The following LYST variants were observed in gnomAD, a reference collection of about 807,000 sequenced individuals.
LYST encodes lysosomal-trafficking regulator.
Under a neutral mutation model 413.6 loss-of-function variants are expected in LYST, and 192 were observed. That is an observed-to-expected ratio of 0.46 (90% confidence interval 0.41 to 0.52). LYST has a LOEUF of 0.52. Among genes scored for constraint, LYST ranks in the 20% least tolerant of loss-of-function variants. The pLI is 0.00. For missense variants in LYST, 3,815 were observed against 4,499.9 expected (o/e 0.85, Z 4.35); for synonymous variants, 1,525 against 1,567.3 (o/e 0.97, Z 0.64).
rs528647541 is a variant in LYST at position 235,762,819 on chromosome 1, T to C, written c.6154A>G (p.Ile2052Val). Residue 2052 changes from isoleucine to valine, a missense_variant, in exon 22 of 53, where the codon ATC (isoleucine) becomes GTC (valine). Coordinates refer to ENST00000389793, the MANE Select transcript of LYST (RefSeq NM_000081.4). Reference sequence around the variant, plus strand: ...CTGCTGGAATGCCTCAGGTACATGATTGACCGCACTTTCTCCTGAAAGATC... The same window carrying C: ...CTGCTGGAATGCCTCAGGTACATGACTGACCGCACTTTCTCCTGAAAGATC... ...GKIFQEKVRSIMYLRHSSSGG... is the reference protein window; with the variant it reads ...GKIFQEKVRSVMYLRHSSSGG... 89 of 1,613,570 alleles carry C rather than the reference T, an allele frequency of 5.5e-5. No homozygotes were observed. The South Asian group carries it at 6.3e-4, about 11-fold the overall frequency.
At position 235,800,860 on chromosome 1, in the gene LYST, G is replaced by A. The variant is rs904557217; in HGVS notation, c.3939+11C>T. The A allele has an allele frequency of 6.4e-7, 1 of 1,566,232 alleles. No homozygotes were observed. The highest frequency in any genetic ancestry group is 2.3e-5 in the East Asian group (1 of 44,390). ...AAATATTGATCACATTTAACTAAAT[G>A]AATTTTTTACCTGTTGCATGAGCAG... is the stretch of plus-strand genomic sequence containing the variant. On this transcript the variant is annotated intron_variant, in intron 9 of 52. Coordinates refer to ENST00000389793, the MANE Select transcript of LYST (RefSeq NM_000081.4).
chr1:235,809,962 C>G lies in LYST; in HGVS notation c.856G>C (p.Val286Leu). The G allele has an allele frequency of 6.2e-7, 1 of 1,613,906 alleles. No homozygotes were observed. The highest frequency in any genetic ancestry group is 2.2e-5 in the East Asian group (1 of 44,820). ...GCTAGGAATTCAGTTAGTGTGGGCA[C>G]TACACTGGCTGCTAAAGGAGAATTA... is the stretch of plus-strand genomic sequence containing the variant. ...NHNSPLAASV[V>L]PTLTEFLAGF... Residue 286 changes from valine (V) to leucine (L), a missense_variant, in exon 5 of 53, where the codon GTG becomes CTG. Transcript: ENST00000389793. The surrounding 1 kb of genome is among the most constrained non-coding windows in gnomAD (Gnocchi z 4.0).
rs1427009081 is a variant in LYST, at chr1:235,661,355, A to G, written c.*1585T>C. The G allele has an allele frequency of 1.3e-5, 2 of 152,592 alleles. No individual in the cohort carries two copies. The highest frequency in any genetic ancestry group is 2.4e-5 in the African/African-American group (1 of 41,458). 9.5% of individuals were successfully genotyped at this position (152,592 alleles called of 1,614,324 possible). On this transcript the variant is annotated 3_prime_UTR_variant, in exon 53 of 53. Coordinates refer to ENST00000389793, the MANE Select transcript of LYST (RefSeq NM_000081.4). ...GGGGACTAATTTAAAGTTCTCAGTAAAAAAATGAAAGCTAGACAATAGCTG... is the reference window on the plus strand; with the variant it reads ...GGGGACTAATTTAAAGTTCTCAGTAGAAAAATGAAAGCTAGACAATAGCTG...
At chr1:235,848,812 C>A (rs1253528569) in intron 1 of LYST, among the ~76,000 whole-genome samples, 1 of 151,940 alleles carries the variant, frequency 6.6e-6, no homozygotes, top group Non-Finnish European at 1.5e-5. Context: ...ATACAACCCT[C>A]CTAGCTTAAA....
At chr1:235,829,456 A>G (rs539063168) in intron 3 of LYST, 2 of 152,342 alleles carry the variant, frequency 1.3e-5, no homozygotes, top group Admixed American at 6.5e-5. Context: ...TTGGTGTTAC[A>G]AACACTTCAT....
Position 235,720,600 on chromosome 1 carries a change from T to C in LYST, c.9560+61A>G, listed in dbSNP as rs988355278. 4.5e-6 allele frequency: 7 copies of C among 1,559,938 alleles called. No individual in the cohort carries two copies. The African/African-American group carries it at 9.5e-5, about 21-fold the overall frequency. On this transcript the variant is annotated intron_variant, in intron 40 of 52. Coordinates refer to ENST00000389793, the MANE Select transcript of LYST (RefSeq NM_000081.4). Reference sequence around the variant, plus strand: ...TTGAAATTTTTCATAATGAAAACTTTAATAAAGAAATACAACATATGGATG... The same window carrying C: ...TTGAAATTTTTCATAATGAAAACTTCAATAAAGAAATACAACATATGGATG...
intron 12 of LYST, 150 bp downstream of exon 12, chr1:235,791,549 A>T (rs370344580): frequency 1.3e-5 from 9 of 711,042 alleles, no homozygotes; most frequent in Non-Finnish European, 2.0e-5. Flanking sequence ...TCATGCTTTG[A>T]TAAGTCAGGA....
rs893006443 is a variant in LYST, at chr1:235,744,627, C to G, written c.7973-470G>C. Among the ~76,000 whole-genome samples the G allele has an allele frequency of 4.6e-5, 7 of 151,188 alleles. No individual in the cohort carries two copies. In the East Asian group the frequency reaches 1.4e-3, roughly 29 times the overall value. On this transcript the variant is annotated intron_variant, in intron 29 of 52. Transcript: ENST00000389793. Reference sequence around the variant, plus strand: ...AGTGGAAAAAAAAAAATGCTGGGGACGATGGCTCATGCCTGTAATCCCAGC... The same window carrying G: ...AGTGGAAAAAAAAAAATGCTGGGGAGGATGGCTCATGCCTGTAATCCCAGC...
chr1:235,833,621 G>A lies in LYST; in HGVS notation c.-51C>T. 1 of 947,864 alleles carries A rather than the reference G, an allele frequency of 1.1e-6. No homozygotes were observed. The highest frequency in any genetic ancestry group is 1.3e-6 in the Non-Finnish European group (1 of 795,840). The allele number at this position is 947,864 out of a possible 1,614,324, so 58.7% of individuals were successfully genotyped here. A position where few individuals can be genotyped will look rare whatever the true frequency, so the allele number is the denominator to read the frequency against. On this transcript the variant is annotated 5_prime_UTR_variant, in exon 2 of 53. Coordinates refer to ENST00000389793, the MANE Select transcript of LYST (RefSeq NM_000081.4). Reference sequence around the variant, plus strand: ...GTGACATTTACAGTCTATATCATTTGGACTCATAAACTAGATGAAACAAAT... The same window carrying A: ...GTGACATTTACAGTCTATATCATTTAGACTCATAAACTAGATGAAACAAAT...
At chr1:235,767,693 C>T (rs1668278667) in intron 20 of LYST, among the ~76,000 whole-genome samples, 2 of 151,966 alleles carry the variant, frequency 1.3e-5, no homozygotes, top group Non-Finnish European at 2.9e-5. Context: ...TCTGTCTTTG[C>T]TTTTGCTGCT....
At chr1:235,762,987 A>G in intron 21 of LYST, 136 bp from the exon 22 acceptor site, 1 of 678,610 alleles carries the variant, frequency 1.5e-6, no homozygotes, top group East Asian at 2.8e-5. Flanking sequence ...CATACTTTAT[A>G]TTAAGGCACA....
In LYST at chr1:235,724,044, G is replaced by A. The variant is rs760309200; in HGVS notation, c.9299C>T (p.Ala3100Val). 6.2e-7 allele frequency: 1 copy of A among 1,613,610 alleles called. No individual in the cohort carries two copies. The highest frequency in any genetic ancestry group is 1.1e-5 in the South Asian group (1 of 91,070). The change falls in exon 39 of 53, where the codon GCA becomes GTA. Residue 3100 changes from alanine to valine, a missense_variant. Physicochemically the swap from Ala to Val is moderately conservative, Grantham distance 64. Coordinates refer to ENST00000389793, the MANE Select transcript of LYST (RefSeq NM_000081.4). ...FLTNGRTLLL[A>V]FDNTKVRDDV... ...TGAATTTACCTTGGTGTTATCAAAT[G>A]CCAACAGGAGTGTTCTGCCATTTGT...
intron 50 of LYST, among the ~76,000 whole-genome samples, chr1:235,667,611 C>T (rs1658596034): frequency 2.0e-5 from 3 of 152,056 alleles, no homozygotes; most frequent in Non-Finnish European, 4.4e-5. Flanking sequence ...ATGCTCAAGT[C>T]CTTGATATAA....
intron 1 of LYST, among the ~76,000 whole-genome samples, chr1:235,848,200 C>A (rs541852346): frequency 5.8e-4 from 88 of 152,142 alleles, no homozygotes; most frequent in African/African-American, 2.1e-3. Flanking sequence ...ACCACAGCGG[C>A]ATAAAACTGG....
intron 26 of LYST, among the ~76,000 whole-genome samples, chr1:235,752,546 G>C (rs1666602148): frequency 6.6e-6 from 1 of 152,058 alleles, no homozygotes; most frequent in Non-Finnish European, 1.5e-5. Flanking sequence ...GTATGAACAG[G>C]AACATTCTGC....
Position 235,666,223 on chromosome 1 carries a change from CAT to C in LYST, c.11039-1604_11039-1603del, listed in dbSNP as rs1276347152. 4.8e-3 allele frequency among the ~76,000 whole-genome samples: 419 copies of C among 86,456 alleles called. 4 individuals are homozygous for C. The highest frequency in any genetic ancestry group is 0.026 in the African/African-American group (402 of 15,412). 56.7% of individuals were successfully genotyped at this position (86,456 alleles called of 152,430 possible). ...ATGCATAAACAAAATGCAGTATGTA[CAT>C]ACACACACACACACACACACACACA... On this transcript the variant is annotated intron_variant, in intron 50 of 52. Coordinates refer to ENST00000389793, the MANE Select transcript of LYST (RefSeq NM_000081.4).
In LYST at chr1:235,709,108, T is replaced by G; in HGVS notation, c.10126A>C (p.Asn3376His). ...QKGKASVQAI[N>H]VFHPATYFGM... ...TCACTTACAGCAGGATGAAAAACAT[T>G]GATCGCTTGAACAGAAGCCTTCCCC... The change falls in exon 44 of 53, where the codon AAT (asparagine) becomes CAT (histidine). Residue 3376 changes from asparagine (N) to histidine (H), a missense_variant. Physicochemically the swap from Asn to His is moderately conservative, Grantham distance 68. Around this residue, in one of 4 missense-constraint regions of LYST, gnomAD observed 866 missense variants for 1,156.0 expected, o/e 0.75. Transcript: ENST00000389793. 1 of 1,614,044 alleles carries G rather than the reference T, an allele frequency of 6.2e-7. No individual in the cohort carries two copies. The highest frequency in any genetic ancestry group is 8.5e-7 in the Non-Finnish European group (1 of 1,179,942).
intron 47 of LYST, among the ~76,000 whole-genome samples, chr1:235,690,948 G>T (rs558831220): frequency 2.1e-5 from 3 of 145,292 alleles, no homozygotes; most frequent in African/African-American, 7.7e-5. Flanking sequence ...ACAGAGTCTC[G>T]TTCTGTTGCC....
chr1:235,707,708 A>T (rs1342267704), intron 44 of LYST, among the ~76,000 whole-genome samples: 1 of 152,218 alleles, frequency 6.6e-6, no homozygotes, highest in Non-Finnish European at 1.5e-5. Flanking sequence ...GTACATAAAA[A>T]TAACCATAGA....
Sources: allele counts gnomAD v4.1 joint callset (sites outside exome capture counted in the v4.1 genomes callset), GRCh38; gene constraint gnomAD v4.1.1; regional missense constraint gnomAD v4.1.1; non-coding constraint Gnocchi (gnomAD v3.1); transcripts MANE v1.5; gene names NCBI Gene and HGNC (gene_info 2026-07-23, HGNC 2026-07-21).